The following EPHX1 variants were observed in gnomAD, a reference collection of about 807,000 sequenced individuals.
EPHX1 encodes the protein epoxide hydratase.
Under a neutral mutation model 43.2 loss-of-function variants are expected in EPHX1, and 40 were observed. The observed-to-expected ratio is 0.93, with a 90% CI of 0.72 to 1.21. The LOEUF is 1.21. EPHX1 is among the 50% of genes most tolerant of loss of function. EPHX1 has a pLI of 0.00. For missense variants in EPHX1, 550 were observed against 570.4 expected (o/e 0.96, Z 0.36); for synonymous variants, 221 against 226.7 (o/e 0.98, Z 0.22).
intron 1 of EPHX1, among the ~76,000 whole-genome samples, chr1:225,814,121 G>T (rs1453009002): frequency 6.6e-6 from 1 of 152,208 alleles, no homozygotes; most frequent in African/African-American, 2.4e-5. Context: ...AGAAAAAGTG[G>T]CTGGGCAAGA....
At chr1:225,822,042 ACTT>A (rs1667004310) in intron 1 of EPHX1, among the ~76,000 whole-genome samples, 1 of 152,138 alleles carries the variant, frequency 6.6e-6, no homozygotes, top group South Asian at 2.1e-4. Context: ...TGCTCATCTA[ACTT>A]CTTCACCTTG....
At chr1:225,812,102 G>A (rs1238155870) in intron 1 of EPHX1, among the ~76,000 whole-genome samples, 2 of 152,174 alleles carry the variant, frequency 1.3e-5, no homozygotes, top group African/African-American at 2.4e-5. Flanking sequence ...GCTGGGGGCA[G>A]GAGTGTGCCC....
In EPHX1 at chr1:225,844,483, G is replaced by A; in HGVS notation, c.1041-15G>A. 3 of 1,614,116 alleles carry A rather than the reference G, an allele frequency of 1.9e-6. No individual in the cohort carries two copies. The highest frequency in any genetic ancestry group is 2.2e-5 in the South Asian group (2 of 91,078). ...TGTGGCACTGAGAGTGGGGCTTTGT[G>A]TTCTGCGTTCCCAGGAAGTTCTCCC... On this transcript the variant is annotated splice_polypyrimidine_tract_variant and intron_variant, in intron 7 of 8. Transcript: ENST00000272167.
At chr1:225,813,714 A>G (rs933080344) in intron 1 of EPHX1, among the ~76,000 whole-genome samples, 5 of 152,146 alleles carry the variant, frequency 3.3e-5, no homozygotes, top group Non-Finnish European at 7.4e-5. Context: ...ATTCCAGGAG[A>G]TGGGTTCAGA....
intron 2 of EPHX1, 149 bp downstream of exon 2, chr1:225,829,061 T>A: frequency 2.0e-6 from 2 of 998,396 alleles, no homozygotes; most frequent in Non-Finnish European, 2.9e-6. Context: ...GCTTTTCCTC[T>A]GCTGGGCAGG....
rs1304852481 is a variant in EPHX1, at chr1:225,832,414, T to A, written c.364+455T>A. The stretch of plus-strand genomic sequence containing the variant: ...AGCCAGGTGTGTTGGCAGGCAGCTG[T>A]AATCCCAGCTACTCTGGAGGCTGAA... On this transcript the variant is annotated intron_variant, in intron 3 of 8. Coordinates refer to ENST00000272167, the MANE Select transcript of EPHX1 (RefSeq NM_001136018.4). Among the ~76,000 whole-genome samples, 5 of 152,214 alleles carry A rather than the reference T, an allele frequency of 3.3e-5. No homozygotes were observed. The East Asian group carries it at 9.6e-4, about 29-fold the overall frequency.
At chr1:225,811,562 G>C (rs1048962620) in intron 1 of EPHX1, among the ~76,000 whole-genome samples, 3 of 152,138 alleles carry the variant, frequency 2.0e-5, no homozygotes, top group African/African-American at 7.2e-5. Context: ...TGGCTGTTTC[G>C]GTACCACTGT....
At chr1:225,816,300 A>G (rs1453053120) in intron 1 of EPHX1, among the ~76,000 whole-genome samples, 1 of 152,166 alleles carries the variant, frequency 6.6e-6, no homozygotes, top group Non-Finnish European at 1.5e-5. Context: ...CTTTAAAATT[A>G]AAAGAAAAAA....
intron 2 of EPHX1, among the ~76,000 whole-genome samples, chr1:225,831,547 AAAAAAAAAAAAAG>A (rs891326643): frequency 1.3e-4 from 7 of 55,578 alleles, no homozygotes; most frequent in Admixed American, 1.1e-3. Context: ...ACCCTATCTC[AAAAAAAAAAAAAG>A]AAAAAAGAAA....
chr1:225,838,654 G>A lies in EPHX1; in HGVS notation c.365G>A (p.Gly122Glu). 1 of 1,613,704 alleles carries A rather than the reference G, an allele frequency of 6.2e-7. No individual in the cohort carries two copies. The highest frequency in any genetic ancestry group is 1.7e-5 in the Admixed American group (1 of 60,006). The part of the protein sequence containing the change: ...RYPHFKTKIE[G>E]LDIHFIHVKP... ...CCCTGACTGTGCTCTGTCCCCCCAG[G>A]GCTGGACATCCACTTCATCCACGTG... The change falls in exon 4 of 9, where the codon GGG becomes GAG. Residue 122 changes from glycine (G) to glutamate (E), a missense_variant and splice_region_variant. By Grantham distance (98) the Gly-to-Glu change is moderately conservative. Transcript: ENST00000272167.
intron 2 of EPHX1, among the ~76,000 whole-genome samples, chr1:225,829,380 ATTG>A (rs1667450774): frequency 6.6e-6 from 1 of 152,138 alleles, no homozygotes; most frequent in Non-Finnish European, 1.5e-5. Flanking sequence ...CGGGGTGAGG[ATTG>A]TTGTTCCCAA....
In EPHX1 at chr1:225,844,571, C is replaced by CGCTTCTACA. The variant is rs771431022; in HGVS notation, c.1115_1123dup (p.Tyr374_Lys375insSerPheTyr). 45 of 1,614,028 alleles carry CGCTTCTACA rather than the reference C, an allele frequency of 2.8e-5. No individual in the cohort carries two copies. Among genetic ancestry groups the CGCTTCTACA allele is most frequent in the Non-Finnish European group, 3.6e-5 (42 of 1,180,020 alleles). The stretch of plus-strand genomic sequence containing the variant: ...AACAGGCACCATCATCTCCTCCCAG[C>CGCTTCTACA]GCTTCTACAAGGAGAACCTGGGACA... On this transcript the variant is annotated inframe_insertion, in exon 8 of 9. Transcript: ENST00000272167.
chr1:225,841,112 T>G (rs904344542), intron 6 of EPHX1: 1 of 152,190 alleles, frequency 6.6e-6, no homozygotes, highest in Admixed American at 6.5e-5. Context: ...ACACTCCAGA[T>G]GCCCCTCGGG....
intron 2 of EPHX1, among the ~76,000 whole-genome samples, chr1:225,830,150 G>A (rs1559020405): frequency 6.6e-6 from 1 of 152,192 alleles, no homozygotes; most frequent in Non-Finnish European, 1.5e-5. Context: ...GTTCCAAGGA[G>A]GAAGAGATTT....
intron 1 of EPHX1, among the ~76,000 whole-genome samples, chr1:225,822,744 C>G (rs1277617143): frequency 1.3e-5 from 2 of 152,182 alleles, no homozygotes; most frequent in Non-Finnish European, 2.9e-5. Flanking sequence ...GAGATTACCC[C>G]AGGGACATAT....
intron 3 of EPHX1, among the ~76,000 whole-genome samples, chr1:225,835,268 G>A (rs1476342634): frequency 6.6e-6 from 1 of 152,080 alleles, no homozygotes; most frequent in Non-Finnish European, 1.5e-5. Flanking sequence ...AGCCAGGCTG[G>A]AGTGCAGTGG....
At chr1:225,825,553 G>A (rs897230629) in intron 1 of EPHX1, 2 of 152,220 alleles carry the variant, frequency 1.3e-5, no homozygotes, top group African/African-American at 4.8e-5. Flanking sequence ...AGGTAAGGAG[G>A]GTGGTTTGTA....
rs560136735 is a variant in EPHX1, at chr1:225,833,971, G to A, written c.364+2012G>A. On this transcript the variant is annotated intron_variant, in intron 3 of 8. Transcript: ENST00000272167. ...AAATTAGCCGGGCGTGGTGGCAGGC[G>A]CCTGTGGTCCCAGCTACTTGGGAGG... Among the ~76,000 whole-genome samples, 13 of 150,566 alleles carry A rather than the reference G, an allele frequency of 8.6e-5. No individual in the cohort carries two copies. The East Asian group carries it at 1.8e-3, about 21-fold the overall frequency.
At position 225,813,229 on chromosome 1, in the gene EPHX1, C is replaced by T. The variant is rs1666568389; in HGVS notation, c.-6+3060C>T. 1.3e-5 allele frequency among the ~76,000 whole-genome samples: 2 copies of T among 152,296 alleles called. 1 individual carries two copies. The highest frequency in any genetic ancestry group is 2.9e-5 in the Non-Finnish European group (2 of 68,020). ...CTTCAACTAGAGTGAAGGCCCTGGC[C>T]ACAGGGTAGGGGAGGCAAAATCTTA... On this transcript the variant is annotated intron_variant, in intron 1 of 8. Transcript: ENST00000272167.
Sources: gnomAD v4.1 joint callset for allele counts (sites outside exome capture counted in the v4.1 genomes callset) on GRCh38, gnomAD v4.1.1 for gene constraint, MANE v1.5 for transcripts, NCBI Gene and HGNC (gene_info 2026-07-23, HGNC 2026-07-21) for gene names.